Variants in AFF3 observed in about 807,000 individuals in gnomAD.
The protein encoded by AFF3 is ALF transcription elongation factor 3.
AFF3 carries 32 observed loss-of-function variants against 129.7 expected under a neutral mutation model. The ratio of observed to expected loss-of-function variants is 0.25; its 90% CI spans 0.19 to 0.33. The LOEUF is 0.33. AFF3 is among the 10% of genes least tolerant of loss of function. The probability of loss-of-function intolerance (pLI) is 1.00; values close to 1 mark genes in which losing one functional copy is unlikely to be tolerated. For missense variants in AFF3, 1,373 were observed against 1,592.0 expected, an observed-to-expected ratio of 0.86 and a Z score of 2.34; for synonymous variants, 644 against 635.4, an observed-to-expected ratio of 1.01 and a Z score of -0.20.
At chr2:99,921,937 T>C (rs1026536136) in intron 7 of AFF3, among the ~76,000 whole-genome samples, 2 of 152,172 alleles carry the variant, frequency 1.3e-5, no homozygotes, top group Admixed American at 1.3e-4. Context: ...AGATAGCACA[T>C]GGCCAATAAG....
chr2:99,628,206 T>C (rs1037248836), intron 13 of AFF3, among the ~76,000 whole-genome samples: 2 of 152,232 alleles, frequency 1.3e-5, no homozygotes, highest in African/African-American at 4.8e-5. Context: ...AAGCATAAAA[T>C]GTTTATTCAT....
At chr2:99,885,631 G>T (rs77848057) in intron 7 of AFF3, among the ~76,000 whole-genome samples, 1,844 of 152,284 alleles carry the variant, frequency 0.012, 40 homozygotes, top group African/African-American at 0.042. Context: ...AGAGGGTGCA[G>T]GGTCTTTTTT....
intron 5 of AFF3, 104 bp from the exon 6 acceptor site, chr2:100,007,564 C>A: frequency 1.9e-6 from 2 of 1,046,214 alleles, no homozygotes; most frequent in South Asian, 3.1e-5. Context: ...TTGTCACATG[C>A]AGAATGAGAG....
intron 4 of AFF3, among the ~76,000 whole-genome samples, chr2:100,021,709 G>A (rs1400665834): frequency 6.6e-6 from 1 of 152,104 alleles, no homozygotes; most frequent in Non-Finnish European, 1.5e-5. Context: ...TACAAGATCT[G>A]TGCCATAAAC....
chr2:99,877,333 G>C (rs560578659), intron 7 of AFF3, among the ~76,000 whole-genome samples: 3 of 152,258 alleles, frequency 2.0e-5, no homozygotes, highest in African/African-American at 7.2e-5. Flanking sequence ...GCTCAGTTTG[G>C]GGCATGCATT....
Position 99,727,077 on chromosome 2 carries a change from G to A in AFF3, c.1091C>T (p.Ser364Leu), listed in dbSNP as rs1183789267. 3.7e-6 allele frequency: 6 copies of A among 1,603,828 alleles called. No homozygotes were observed. The highest frequency in any genetic ancestry group is 5.1e-6 in the Non-Finnish European group (6 of 1,176,722). ...CTGATAGAAAATGAAAGAAACTTAC[G>A]ATGTATTCGATGTGCCATTGTCTGG... is the stretch of plus-strand genomic sequence containing the variant. ...ESPDNGTSNTSMLEDDLKLSS... is the reference protein window; with the variant it reads ...ESPDNGTSNTLMLEDDLKLSS... The change falls in exon 11 of 25, where the codon TCA (serine) becomes TTA (leucine). Residue 364 changes from serine (S) to leucine (L), a missense_variant and splice_region_variant. Around this residue, in one of 9 missense-constraint regions of AFF3, gnomAD observed 413 missense variants for 424.4 expected, o/e 0.97. Transcript: ENST00000672756.
chr2:99,709,855 A>AT (rs1296617695), intron 11 of AFF3, among the ~76,000 whole-genome samples: 1 of 152,202 alleles, frequency 6.6e-6, no homozygotes, highest in Non-Finnish European at 1.5e-5. Context: ...TGTTAAGCAG[A>AT]TTTTCAAATG....
chr2:99,863,654 T>G (rs1460006743), intron 7 of AFF3, among the ~76,000 whole-genome samples: 1 of 152,190 alleles, frequency 6.6e-6, no homozygotes, highest in Admixed American at 6.5e-5. Context: ...TGGAGACTAA[T>G]TTACCCACAC....
At chr2:100,037,922 C>T (rs1685105506) in intron 4 of AFF3, among the ~76,000 whole-genome samples, 2 of 149,216 alleles carry the variant, frequency 1.3e-5, no homozygotes, top group South Asian at 4.2e-4. Flanking sequence ...ACAGTAGTCT[C>T]AACTTCAACC....
At chr2:99,788,767 C>T (rs575945701) in intron 8 of AFF3, among the ~76,000 whole-genome samples, 1 of 152,192 alleles carries the variant, frequency 6.6e-6, no homozygotes, top group Non-Finnish European at 1.5e-5. Flanking sequence ...CACTGACTCA[C>T]CCAGAGCAAC....
At chr2:99,674,502 G>A (rs1687442014) in intron 11 of AFF3, among the ~76,000 whole-genome samples, 1 of 152,150 alleles carries the variant, frequency 6.6e-6, no homozygotes, top group African/African-American at 2.4e-5. Flanking sequence ...CAGAGAAGGG[G>A]ACAGGTCCTT....
At chr2:99,841,191 C>G (rs1474801685) in intron 7 of AFF3, among the ~76,000 whole-genome samples, 3 of 152,200 alleles carry the variant, frequency 2.0e-5, no homozygotes, top group Non-Finnish European at 2.9e-5. Context: ...ATATAAATGA[C>G]AGGTTGCTTT....
intron 7 of AFF3, among the ~76,000 whole-genome samples, chr2:99,847,721 G>C (rs184082736): frequency 6.6e-6 from 1 of 152,048 alleles, no homozygotes; most frequent in Admixed American, 6.5e-5. Context: ...GCTGGCTTCA[G>C]AACGTCTCAG....
intron 7 of AFF3, among the ~76,000 whole-genome samples, chr2:99,861,556 T>C (rs1260267693): frequency 2.0e-5 from 3 of 152,242 alleles, no homozygotes; most frequent in Non-Finnish European, 4.4e-5. Flanking sequence ...TTATCATTCT[T>C]CTGAAATTCT....
At chr2:99,632,554 G>C (rs772013852) in intron 13 of AFF3, among the ~76,000 whole-genome samples, 1 of 152,112 alleles carries the variant, frequency 6.6e-6, no homozygotes, top group African/African-American at 2.4e-5. Context: ...TGAGCTCCCC[G>C]GGGCTGGGGT....
At chr2:99,631,515 C>T (rs943483297) in intron 13 of AFF3, among the ~76,000 whole-genome samples, 1 of 152,190 alleles carries the variant, frequency 6.6e-6, no homozygotes, top group African/African-American at 2.4e-5. Flanking sequence ...CATCTTCCAT[C>T]ACCCCAAGCC....
At chr2:99,835,770 C>G (rs1688826807) in intron 8 of AFF3, among the ~76,000 whole-genome samples, 1 of 152,170 alleles carries the variant, frequency 6.6e-6, no homozygotes, top group Non-Finnish European at 1.5e-5. Context: ...CACACACATG[C>G]AGACTTCAGC....
At chr2:99,880,375 A>T (rs1222250874) in intron 7 of AFF3, among the ~76,000 whole-genome samples, 1 of 152,112 alleles carries the variant, frequency 6.6e-6, no homozygotes, top group Non-Finnish European at 1.5e-5. Flanking sequence ...GAGGCCTCTG[A>T]TTCAGCGGCA....
chr2:100,125,647 A>C (rs1362094693), intron 2 of AFF3, among the ~76,000 whole-genome samples: 1 of 151,998 alleles, frequency 6.6e-6, no homozygotes, highest in East Asian at 1.9e-4. Context: ...AAAATCTGTA[A>C]TTGTGAAAAC....
Sources: gnomAD v4.1 joint callset for allele counts (sites outside exome capture counted in the v4.1 genomes callset) on GRCh38, gnomAD v4.1.1 for gene constraint, gnomAD v4.1.1 regional missense constraint, MANE v1.5 for transcripts, NCBI Gene and HGNC (gene_info 2026-07-23, HGNC 2026-07-21) for gene names.